Variants in EDARADD observed in about 807,000 individuals in gnomAD.
EDARADD encodes the protein ectodysplasin-A receptor-associated adapter protein.
EDARADD carries 20 observed loss-of-function variants against 25.6 expected under a neutral mutation model. The observed-to-expected ratio is 0.78, with a 90% CI of 0.55 to 1.14. EDARADD has a LOEUF of 1.14. Among genes scored for constraint, EDARADD ranks in the 50% most tolerant of loss-of-function variants. The probability of loss-of-function intolerance (pLI) is 0.00; values close to 1 mark genes in which losing one functional copy is unlikely to be tolerated. For missense variants in EDARADD, 225 were observed against 270.1 expected (o/e 0.83, Z 1.17); for synonymous variants, 86 against 94.4 (o/e 0.91, Z 0.52).
At chr1:236,412,292 T>G (rs1292236060) in intron 2 of EDARADD, among the ~76,000 whole-genome samples, 2 of 152,198 alleles carry the variant, frequency 1.3e-5, no homozygotes, top group African/African-American at 4.8e-5. Context: ...AAGCCTTACT[T>G]GCCTTGGGAC....
At chr1:236,457,514 C>T (rs1397884299) in intron 4 of EDARADD, among the ~76,000 whole-genome samples, 1 of 150,698 alleles carries the variant, frequency 6.6e-6, no homozygotes, top group Admixed American at 6.6e-5. Context: ...GATTCTTTCT[C>T]TCTAAAAAAC....
chr1:236,479,572 T>C (rs1416172915), intron 5 of EDARADD, among the ~76,000 whole-genome samples: 2 of 152,094 alleles, frequency 1.3e-5, no homozygotes, highest in East Asian at 1.9e-4. Flanking sequence ...TAAGCTTCAT[T>C]GGAGTCTTTA....
chr1:236,480,831 C>T (rs1177555077), intron 5 of EDARADD, among the ~76,000 whole-genome samples: 1 of 152,230 alleles, frequency 6.6e-6, no homozygotes, highest in African/African-American at 2.4e-5. Flanking sequence ...AAATATACCT[C>T]CTGCTAATCA....
intron 3 of EDARADD, among the ~76,000 whole-genome samples, chr1:236,373,887 A>G (rs1356533047): frequency 6.6e-6 from 1 of 152,248 alleles, no homozygotes; most frequent in Non-Finnish European, 1.5e-5. Context: ...AAGTATTTTT[A>G]AAATTTATCT....
intron 3 of EDARADD, among the ~76,000 whole-genome samples, chr1:236,364,205 A>T (rs1234738132): frequency 6.6e-6 from 1 of 152,220 alleles, no homozygotes; most frequent in African/African-American, 2.4e-5. Context: ...AGTTAAAGGA[A>T]TTAACAACAG....
intron 3 of EDARADD, among the ~76,000 whole-genome samples, chr1:236,355,400 C>A (rs1666961629): frequency 6.6e-6 from 1 of 151,782 alleles, no homozygotes; most frequent in South Asian, 2.1e-4. Flanking sequence ...AGACTGTTAG[C>A]CCTCTCTAAT....
intron 3 of EDARADD, among the ~76,000 whole-genome samples, chr1:236,378,514 G>A (rs1041483821): frequency 2.0e-5 from 3 of 152,132 alleles, no homozygotes; most frequent in Non-Finnish European, 4.4e-5. Flanking sequence ...AATTCTGGGG[G>A]TAGGAATTTG....
rs879035632 is a variant in EDARADD at position 236,395,459 on chromosome 1, GAGA to G, written c.61+963_61+965del. On this transcript the variant is annotated intron_variant, in intron 1 of 5. Transcript: ENST00000334232. The surrounding 1 kb of genome is among the most constrained non-coding windows in gnomAD (Gnocchi z 6.9). ...TGAGCTCGTGGAAGAAGCGAAGGAGGAGAAGAAGAAGGGAGGGGAAGGCGGAGG... is the reference window on the plus strand; with the variant it reads ...TGAGCTCGTGGAAGAAGCGAAGGAGGAGAAGAAGGGAGGGGAAGGCGGAGG... 6.6e-5 allele frequency: 99 copies of G among 1,489,788 alleles called. 1 individual carries two copies. Among genetic ancestry groups the G allele is most frequent in the South Asian group, 3.1e-4 (24 of 77,802 alleles). The allele number at this position is 1,489,788 out of a possible 1,614,324, so 92.3% of individuals were successfully genotyped here.
rs1341907188 is a variant in EDARADD, at chr1:236,409,272, A to G, written c.118A>G (p.Met40Val). Reference sequence around the variant, plus strand: ...AGACCCTAGCACTTTATCCTTTAATATGGTAGGTGACAAATTTTACACTAA... The same window carrying G: ...AGACCCTAGCACTTTATCCTTTAATGTGGTAGGTGACAAATTTTACACTAA... The part of the protein sequence containing the change: ...DTDPSTLSFN[M>V]SDKYPIQDTE... The change falls in exon 2 of 6, where the codon ATG becomes GTG. Residue 40 changes from methionine to valine, a missense_variant and splice_region_variant. Transcript: ENST00000334232. 3.7e-6 allele frequency: 6 copies of G among 1,609,816 alleles called. No individual in the cohort carries two copies. The highest frequency in any genetic ancestry group is 4.3e-6 in the Non-Finnish European group (5 of 1,176,416).
chr1:236,416,744 AACTT>A (rs1457235094), intron 3 of EDARADD, among the ~76,000 whole-genome samples: 5 of 152,192 alleles, frequency 3.3e-5, no homozygotes, highest in Non-Finnish European at 7.3e-5. Flanking sequence ...GAAGTTTAAA[AACTT>A]ACTCCTACAT....
At chr1:236,381,550 A>C (rs1370258195) in intron 3 of EDARADD, among the ~76,000 whole-genome samples, 1 of 151,850 alleles carries the variant, frequency 6.6e-6, no homozygotes, top group African/African-American at 2.4e-5. Flanking sequence ...CTTTTGAACA[A>C]TTGTTTTCAT....
rs1667336983 is a variant in EDARADD at position 236,385,108 on chromosome 1, C to CTTTTTTTTTTTTTTT, written c.-5-24108_-5-24107insTTTTTTTTTTTTTTT. On this transcript the variant is annotated intron_variant, in intron 3 of 7. Coordinates refer to the EDARADD transcript ENST00000439430. ...TTGATTCTTTTTTTTTTTTTTTTTG[C>CTTTTTTTTTTTTTTT]CTTAAGAAAGCTCTTCCTGGCCGGG... Among the ~76,000 whole-genome samples, 3 of 46,732 alleles carry CTTTTTTTTTTTTTTT rather than the reference C, an allele frequency of 6.4e-5. 1 individual carries two copies. The highest frequency in any genetic ancestry group is 2.9e-4 in the African/African-American group (3 of 10,260). 30.7% of individuals were successfully genotyped at this position (46,732 alleles called of 152,430 possible). A position where few individuals can be genotyped will look rare whatever the true frequency, so the allele number is the denominator to read the frequency against.
intron 5 of EDARADD, among the ~76,000 whole-genome samples, chr1:236,478,447 GAT>G (rs921747492): frequency 5.4e-5 from 8 of 147,308 alleles, no homozygotes; most frequent in South Asian, 2.1e-4. Flanking sequence ...ATATAAATAT[GAT>G]ATATATATGT....
At chr1:236,435,636 A>G (rs889359034) in intron 4 of EDARADD, among the ~76,000 whole-genome samples, 7 of 152,380 alleles carry the variant, frequency 4.6e-5, no homozygotes, top group Admixed American at 1.3e-4. Context: ...AGTTCTATCC[A>G]GAAATTCATT....
At chr1:236,421,489 C>CTTTTTTTTT (rs34922732) in intron 3 of EDARADD, among the ~76,000 whole-genome samples, 1 of 75,430 alleles carries the variant, frequency 1.3e-5, no homozygotes, top group African/African-American at 4.6e-5. Flanking sequence ...CTTCCCAGTT[C>CTTTTTTTTT]TTTTTTTTTT....
chr1:236,480,096 CATATATATATATATATATATATAT>C (rs72215388), intron 5 of EDARADD, among the ~76,000 whole-genome samples: 28,124 of 78,218 alleles, frequency 0.36, 4,259 homozygotes, highest in Middle Eastern at 0.49. Context: ...TTAAGTATGC[CATATATATATATATATATATATAT>C]ATATATATAT....
chr1:236,484,544 A>C lies in EDARADD; in HGVS notation c.*1895A>C. The C allele has an allele frequency of 2.9e-5, 36 of 1,240,684 alleles. No homozygotes were observed. The highest frequency in any genetic ancestry group is 3.9e-5 in the Non-Finnish European group (34 of 864,166). The allele number at this position is 1,240,684 out of a possible 1,614,324, so 76.9% of individuals were successfully genotyped here. A position where few individuals can be genotyped will look rare whatever the true frequency, so the allele number is the denominator to read the frequency against. ...CCCCTTGTGTCAACTCCGGCAGCTC[A>C]AGACCCCCGAGCAACATTTGTAGGG... On this transcript the variant is annotated 3_prime_UTR_variant, in exon 6 of 6. Transcript: ENST00000334232. The surrounding 1 kb of genome is among the most constrained non-coding windows in gnomAD (Gnocchi z 4.1).
At chr1:236,364,005 A>T (rs2102992067) in intron 3 of EDARADD, among the ~76,000 whole-genome samples, 1 of 151,420 alleles carries the variant, frequency 6.6e-6, no homozygotes, top group South Asian at 2.1e-4. Context: ...CTCTACAAAA[A>T]ATTAGCTGGG....
At chr1:236,436,939 G>A (rs1658269939) in intron 4 of EDARADD, among the ~76,000 whole-genome samples, 1 of 152,252 alleles carries the variant, frequency 6.6e-6, no homozygotes, top group African/African-American at 2.4e-5. Flanking sequence ...TAGATTGCCA[G>A]ATGGTAGATG....
Sources: allele counts gnomAD v4.1 joint callset (sites outside exome capture counted in the v4.1 genomes callset), GRCh38; gene constraint gnomAD v4.1.1; non-coding constraint Gnocchi (gnomAD v3.1); transcripts MANE v1.5; gene names NCBI Gene and HGNC (gene_info 2026-07-23, HGNC 2026-07-21).